Variants in VTI1A observed in about 807,000 individuals in gnomAD.
VTI1A encodes the protein vesicle transport through interaction with t-SNAREs 1A.
A neutral mutation model predicts 34.9 loss-of-function variants in VTI1A; 22 were observed. The observed-to-expected ratio is 0.63, with a 90% CI of 0.45 to 0.90. The LOEUF (loss-of-function observed/expected upper bound fraction) is 0.90. VTI1A is among the 40% of genes least tolerant of loss of function. VTI1A has a pLI of 0.00. For synonymous variants in VTI1A, 87 were observed against 97.3 expected, an observed-to-expected ratio of 0.89 and a Z score of 0.62; for missense variants, 268 against 275.6, an observed-to-expected ratio of 0.97 and a Z score of 0.20.
At chr10:112,850,167 C>CTCTGCAAATACAGCAAAGTCTCCTT in the VTI1A span, among the ~76,000 whole-genome samples, 1 of 152,092 alleles carries the variant, frequency 6.6e-6, no homozygotes, top group African/African-American at 2.4e-5. Flanking sequence ...TTTCAAAGCT[C>CTCTGCAAATACAGCAAAGTCTCCTT]TCTGCAAATA....
At chr10:112,763,438 CAA>C (rs397714967) in intron 7 of VTI1A, among the ~76,000 whole-genome samples, 18 of 108,898 alleles carry the variant, frequency 1.7e-4, no homozygotes, top group Admixed American at 3.1e-4. Flanking sequence ...GACACCATCT[CAA>C]AAAAAAAAAA....
At chr10:112,740,932 A>G (rs1321430652) in intron 7 of VTI1A, among the ~76,000 whole-genome samples, 2 of 152,256 alleles carry the variant, frequency 1.3e-5, no homozygotes, top group African/African-American at 4.8e-5. Flanking sequence ...CCAAATGTCC[A>G]GCAACTGATG....
chr10:112,494,921 A>T (rs1406175029), intron 3 of VTI1A, among the ~76,000 whole-genome samples: 3 of 152,304 alleles, frequency 2.0e-5, no homozygotes, highest in East Asian at 1.9e-4. Flanking sequence ...ATTATTACCC[A>T]GATTAATGTT....
At chr10:112,697,543 T>A (rs986814293) in intron 7 of VTI1A, among the ~76,000 whole-genome samples, 67 of 151,836 alleles carry the variant, frequency 4.4e-4, no homozygotes, top group African/African-American at 1.5e-3. Context: ...ATTACAGGCA[T>A]GCACCATCAT....
intron 7 of VTI1A, among the ~76,000 whole-genome samples, chr10:112,717,220 A>T (rs1287594692): frequency 1.3e-5 from 2 of 152,230 alleles, no homozygotes; most frequent in Non-Finnish European, 2.9e-5. Flanking sequence ...TTACATGTCC[A>T]GAGGTCATGG....
intron 5 of VTI1A, among the ~76,000 whole-genome samples, chr10:112,645,400 C>T (rs1564863914): frequency 6.6e-6 from 1 of 152,122 alleles, no homozygotes; most frequent in African/African-American, 2.4e-5. Context: ...TGAGTTAGAC[C>T]AGTGCTGTGC....
At chr10:112,641,702 A>C (rs897333229) in intron 5 of VTI1A, among the ~76,000 whole-genome samples, 1 of 152,096 alleles carries the variant, frequency 6.6e-6, no homozygotes, top group South Asian at 2.1e-4. Flanking sequence ...CCCATTCCCT[A>C]ATTATCCATT....
intron 5 of VTI1A, among the ~76,000 whole-genome samples, chr10:112,578,398 A>C (rs1399621992): frequency 6.6e-6 from 1 of 152,182 alleles, no homozygotes; most frequent in Non-Finnish European, 1.5e-5. Context: ...GTATATATTG[A>C]TTGAGTAAAC....
At chr10:112,800,606 C>A (rs1852844917) in intron 7 of VTI1A, among the ~76,000 whole-genome samples, 1 of 152,226 alleles carries the variant, frequency 6.6e-6, no homozygotes, top group South Asian at 2.1e-4. Context: ...AATTCATTAA[C>A]AGAATGCTGC....
intron 5 of VTI1A, among the ~76,000 whole-genome samples, chr10:112,636,582 A>T (rs1352812648): frequency 2.0e-5 from 3 of 152,062 alleles, no homozygotes; most frequent in African/African-American, 7.2e-5. Flanking sequence ...TATAAAAATT[A>T]GCTGGATGTG....
intron 7 of VTI1A, among the ~76,000 whole-genome samples, chr10:112,720,127 G>A (rs112163799): frequency 2.6e-5 from 4 of 152,146 alleles, no homozygotes; most frequent in Non-Finnish European, 4.4e-5. Flanking sequence ...GAACATTTGG[G>A]TTGTTTCTAC....
Position 112,767,683 on chromosome 10 carries a change from C to CT in VTI1A, c.561-47596dup, listed in dbSNP as rs112537601. ...CTGCCTACCTTATTTCTTCCTTACT[C>CT]TTTTTTTTTTTCTGTTTCTCTGTAT... On this transcript the variant is annotated intron_variant, in intron 7 of 7. Transcript: ENST00000393077. This position sits in a 1 kb window ranked among gnomAD's most constrained non-coding sequence, Gnocchi z 4.0. Among the ~76,000 whole-genome samples the CT allele has an allele frequency of 5.3e-3, 785 of 147,282 alleles. 9 individuals are homozygous for CT. Among genetic ancestry groups the CT allele is most frequent in the African/African-American group, 0.017 (687 of 40,420 alleles).
intron 7 of VTI1A, among the ~76,000 whole-genome samples, chr10:112,788,735 T>G (rs918610459): frequency 4.6e-5 from 7 of 152,188 alleles, no homozygotes; most frequent in African/African-American, 1.4e-4. Context: ...CTTATGTCTT[T>G]TTGTTCCTGT....
chr10:112,492,901 T>C (rs1035673713), intron 3 of VTI1A, among the ~76,000 whole-genome samples: 18 of 152,184 alleles, frequency 1.2e-4, no homozygotes, highest in Non-Finnish European at 2.5e-4. Context: ...ATAACCGTAA[T>C]CGAGTTTTAT....
intron 7 of VTI1A, among the ~76,000 whole-genome samples, chr10:112,775,059 G>T (rs545566192): frequency 5.3e-5 from 8 of 152,298 alleles, no homozygotes; most frequent in African/African-American, 1.4e-4. Flanking sequence ...CTGAACGTCG[G>T]TCAGTTAGCT....
At chr10:112,470,736 G>A (rs1848045797) in intron 3 of VTI1A, among the ~76,000 whole-genome samples, 1 of 151,868 alleles carries the variant, frequency 6.6e-6, no homozygotes, top group African/African-American at 2.4e-5. Context: ...TACTAAAATT[G>A]CAAAAATTAG....
chr10:112,764,536 G>A (rs1851585043), intron 7 of VTI1A, among the ~76,000 whole-genome samples: 1 of 151,986 alleles, frequency 6.6e-6, no homozygotes, highest in African/African-American at 2.4e-5. Context: ...AAAATTATAG[G>A]GAATTGTGAA....
At chr10:112,740,109 AAAGAT>A (rs1459769434) in intron 7 of VTI1A, among the ~76,000 whole-genome samples, 5 of 152,178 alleles carry the variant, frequency 3.3e-5, no homozygotes, top group Non-Finnish European at 5.9e-5. Flanking sequence ...ATTGTAGATT[AAAGAT>A]AAGACCTCAA....
intron 7 of VTI1A, among the ~76,000 whole-genome samples, chr10:112,739,967 A>G (rs1850636008): frequency 6.6e-6 from 1 of 152,248 alleles, no homozygotes; most frequent in African/African-American, 2.4e-5. Context: ...CATTGCAATT[A>G]AGACTGGGTT....
Sources: gnomAD v4.1 joint callset for allele counts (sites outside exome capture counted in the v4.1 genomes callset) on GRCh38, gnomAD v4.1.1 for gene constraint, Gnocchi (gnomAD v3.1) non-coding constraint, MANE v1.5 for transcripts, NCBI Gene and HGNC (gene_info 2026-07-23, HGNC 2026-07-21) for gene names.